The following TBL1XR1 variants were observed in gnomAD, a reference collection of about 807,000 sequenced individuals.
TBL1XR1 encodes TBL1X/Y related 1, also known as F-box-like/WD repeat-containing protein TBL1XR1.
Under a neutral mutation model 66.9 loss-of-function variants are expected in TBL1XR1, and 5 were observed. The observed-to-expected ratio is 0.07, with a 90% CI of 0.04 to 0.16. The LOEUF is 0.16. TBL1XR1 is among the 10% of genes least tolerant of loss of function. The pLI is 1.00. For synonymous variants in TBL1XR1, 210 were observed against 206.0 expected (o/e 1.02, Z -0.17); for missense variants, 238 against 623.2 (o/e 0.38, Z 6.58).
At chr3:177,191,291 C>T (rs1736111465) in intron 1 of TBL1XR1, among the ~76,000 whole-genome samples, 1 of 152,120 alleles carries the variant, frequency 6.6e-6, no homozygotes, top group African/African-American at 2.4e-5. Flanking sequence ...TCAGTAGTTA[C>T]AGAAGATAAA....
Position 177,038,415 on chromosome 3 carries a change from A to G in TBL1XR1, c.945T>C (p.Asp315=), listed in dbSNP as rs757159620. The change falls in exon 11 of 16, where the codon GAT becomes GAC. Residue 315 remains aspartate, a synonymous_variant. Transcript: ENST00000457928. ...AAGCAAAGGTGTTGTTGCTCTGCCA[A>G]TCAACATCCAATGCTGGTGCTGCAA... The part of the protein sequence containing the change: ...PFHSAPALDV[D]WQSNNTFASC... The G allele has an allele frequency of 3.8e-6, 6 of 1,562,814 alleles. No homozygotes were observed. In the African/African-American group the frequency reaches 4.1e-5, roughly 11 times the overall value.
chr3:177,141,510 CAT>C (rs779398631), intron 1 of TBL1XR1, among the ~76,000 whole-genome samples: 2 of 152,194 alleles, frequency 1.3e-5, no homozygotes, highest in Non-Finnish European at 2.9e-5. Flanking sequence ...ATATTTTTCA[CAT>C]ATTTTTATAT....
At chr3:177,185,317 G>A (rs1205495623) in intron 1 of TBL1XR1, among the ~76,000 whole-genome samples, 2 of 151,840 alleles carry the variant, frequency 1.3e-5, no homozygotes. Flanking sequence ...AGTTAAAATA[G>A]CAGCCAACCG....
At chr3:177,049,680 T>A (rs984651236) in intron 7 of TBL1XR1, among the ~76,000 whole-genome samples, 14 of 152,214 alleles carry the variant, frequency 9.2e-5, no homozygotes, top group African/African-American at 3.1e-4. Flanking sequence ...TCACCTATTA[T>A]CTCAAATATT....
At chr3:177,119,485 G>A (rs1027175001) in intron 1 of TBL1XR1, among the ~76,000 whole-genome samples, 1 of 152,150 alleles carries the variant, frequency 6.6e-6, no homozygotes, top group Non-Finnish European at 1.5e-5. Flanking sequence ...ATGGTTAGGG[G>A]AAGGGGTGTT....
intron 2 of TBL1XR1, chr3:177,091,162 A>C (rs1722797082): frequency 6.6e-6 from 1 of 152,160 alleles, no homozygotes; most frequent in African/African-American, 2.4e-5. Context: ...TTAAAACGTA[A>C]TACTTAGCTG....
chr3:177,069,675 G>A (rs1461148145), intron 2 of TBL1XR1, among the ~76,000 whole-genome samples: 1 of 151,872 alleles, frequency 6.6e-6, no homozygotes, highest in Non-Finnish European at 1.5e-5. Flanking sequence ...GGAGGTGGAG[G>A]TTACAGTGAG....
At chr3:177,073,579 A>C (rs926934541) in intron 2 of TBL1XR1, among the ~76,000 whole-genome samples, 1 of 152,146 alleles carries the variant, frequency 6.6e-6, no homozygotes, top group Admixed American at 6.5e-5. Context: ...ATTTTACTTA[A>C]ATTTAGTTTT....
intron 2 of TBL1XR1, chr3:177,091,292 T>A (rs1344976958): frequency 2.0e-5 from 3 of 152,310 alleles, no homozygotes; most frequent in Middle Eastern, 3.4e-3. Context: ...GTTTATTTTC[T>A]ACATTTACAT....
At chr3:177,102,553 G>A (rs1724354844) in intron 1 of TBL1XR1, among the ~76,000 whole-genome samples, 1 of 152,222 alleles carries the variant, frequency 6.6e-6, no homozygotes, top group East Asian at 1.9e-4. Context: ...GTGCATTTAA[G>A]ATAGTCTGAC....
At chr3:177,083,403 T>C (rs1204875528) in intron 2 of TBL1XR1, among the ~76,000 whole-genome samples, 1 of 152,252 alleles carries the variant, frequency 6.6e-6, no homozygotes, top group East Asian at 1.9e-4. Context: ...TATTTATTCA[T>C]ATTTCTCTAT....
At chr3:177,096,864 C>CT (rs1723560125) in intron 2 of TBL1XR1, among the ~76,000 whole-genome samples, 1 of 151,924 alleles carries the variant, frequency 6.6e-6, no homozygotes, top group South Asian at 2.1e-4. Context: ...TAAAGCTTGG[C>CT]TTGGGGGGTG....
chr3:177,181,112 G>C (rs2108968237), intron 1 of TBL1XR1, among the ~76,000 whole-genome samples: 1 of 152,204 alleles, frequency 6.6e-6, no homozygotes, highest in South Asian at 2.1e-4. Context: ...TGACAACTCG[G>C]TGTTGCCATC....
At chr3:177,116,134 T>A (rs1402353156) in intron 1 of TBL1XR1, among the ~76,000 whole-genome samples, 1 of 152,234 alleles carries the variant, frequency 6.6e-6, no homozygotes, top group African/African-American at 2.4e-5. Context: ...AGTACCTTCC[T>A]GTCTCACAAT....
intron 2 of TBL1XR1, among the ~76,000 whole-genome samples, chr3:177,067,150 G>A (rs1719273665): frequency 6.6e-6 from 1 of 152,108 alleles, no homozygotes; most frequent in African/African-American, 2.4e-5. Context: ...CAATTCTGAA[G>A]GCATGCTAAA....
At position 177,021,503 on chromosome 3, in the gene TBL1XR1, A is replaced by T. The variant is rs988671326; in HGVS notation, c.*3995T>A. ...CATCAAATTTCTAAATCAGTGTATT[A>T]AAAAAGTGAACACTTCCTCTTTCTT... On this transcript the variant is annotated 3_prime_UTR_variant, in exon 16 of 16. Transcript: ENST00000457928. 2.0e-5 allele frequency: 3 copies of T among 152,570 alleles called. No homozygotes were observed. The highest frequency in any genetic ancestry group is 7.2e-5 in the African/African-American group (3 of 41,450). The allele number at this position is 152,570 out of a possible 1,614,324, so 9.5% of individuals were successfully genotyped here.
At chr3:177,073,005 A>C (rs1194120431) in intron 2 of TBL1XR1, among the ~76,000 whole-genome samples, 2 of 152,194 alleles carry the variant, frequency 1.3e-5, no homozygotes, top group Non-Finnish European at 2.9e-5. Flanking sequence ...TGGAGGTTGC[A>C]GTGAGCCAAG....
intron 1 of TBL1XR1, among the ~76,000 whole-genome samples, chr3:177,170,299 A>G (rs1354429844): frequency 6.6e-6 from 1 of 152,128 alleles, no homozygotes. Context: ...CGTCCCACAC[A>G]AAAACACTTA....
intron 1 of TBL1XR1, among the ~76,000 whole-genome samples, chr3:177,182,578 G>C (rs1188349049): frequency 6.6e-6 from 1 of 152,156 alleles, no homozygotes; most frequent in African/African-American, 2.4e-5. Flanking sequence ...AAAGGCTAAA[G>C]AGTGCCAGGC....
Sources: allele counts gnomAD v4.1 joint callset (sites outside exome capture counted in the v4.1 genomes callset), GRCh38; gene constraint gnomAD v4.1.1; transcripts MANE v1.5; gene names NCBI Gene and HGNC (gene_info 2026-07-23, HGNC 2026-07-21).